FBXW7: variants seen among roughly 807,000 people sequenced by gnomAD.
FBXW7 encodes the protein F-box and WD repeat domain containing 7.
A neutral mutation model predicts 86.3 loss-of-function variants in FBXW7; 11 were observed. The ratio of observed to expected loss-of-function variants is 0.13; its 90% CI spans 0.08 to 0.21. The LOEUF (loss-of-function observed/expected upper bound fraction) is 0.21. Ranked by LOEUF, FBXW7 falls within the 10% of genes least tolerant of loss-of-function variation. The pLI, the probability that FBXW7 is intolerant of heterozygous loss-of-function variation, is 1.00. For missense variants in FBXW7, 488 were observed against 847.4 expected (o/e 0.58, Z 5.27); for synonymous variants, 313 against 297.9 (o/e 1.05, Z -0.52).
chr4:152,446,678 G>C (rs559458396), intron 2 of FBXW7, among the ~76,000 whole-genome samples: 1 of 152,240 alleles, frequency 6.6e-6, no homozygotes, highest in Non-Finnish European at 1.5e-5. Context: ...TCTAATCACA[G>C]ACCAATCATA....
intron 2 of FBXW7, among the ~76,000 whole-genome samples, chr4:152,523,109 C>T (rs76657622): frequency 0.014 from 2,087 of 152,324 alleles, 26 homozygotes; most frequent in Middle Eastern, 0.037. Flanking sequence ...ACAGCAGTTT[C>T]AGCAACTAGA....
intron 4 of FBXW7, among the ~76,000 whole-genome samples, chr4:152,364,332 A>G (rs1301218444): frequency 6.6e-6 from 1 of 152,156 alleles, no homozygotes; most frequent in African/African-American, 2.4e-5. Flanking sequence ...TAAAATATGA[A>G]ATAAAAGAGA....
intron 4 of FBXW7, among the ~76,000 whole-genome samples, chr4:152,398,111 T>C (rs926084098): frequency 3.9e-5 from 6 of 152,020 alleles, no homozygotes; most frequent in Non-Finnish European, 8.8e-5. Flanking sequence ...CCACATATTA[T>C]CTGACAGTGC....
chr4:152,392,795 C>T (rs912764939), intron 4 of FBXW7, among the ~76,000 whole-genome samples: 2 of 152,128 alleles, frequency 1.3e-5, no homozygotes, highest in Admixed American at 1.3e-4. Flanking sequence ...AAAATGAAAA[C>T]GTTAAGTGAT....
intron 4 of FBXW7, among the ~76,000 whole-genome samples, chr4:152,389,264 C>T (rs948789383): frequency 3.3e-5 from 5 of 151,986 alleles, no homozygotes; most frequent in Non-Finnish European, 5.9e-5. Flanking sequence ...ATCATTTGAT[C>T]CAGCAATCCC....
At chr4:152,404,438 T>C (rs1187209510) in intron 4 of FBXW7, among the ~76,000 whole-genome samples, 1 of 152,242 alleles carries the variant, frequency 6.6e-6, no homozygotes, top group Non-Finnish European at 1.5e-5. Flanking sequence ...CTTCTTCTGA[T>C]CTTTTTCTTT....
At chr4:152,380,442 T>G (rs1262591294) in intron 4 of FBXW7, among the ~76,000 whole-genome samples, 2 of 151,970 alleles carry the variant, frequency 1.3e-5, no homozygotes, top group Non-Finnish European at 2.9e-5. Flanking sequence ...ATTGAATGTG[T>G]TCATTTTGTT....
At chr4:152,448,892 C>T (rs544349310) in intron 2 of FBXW7, among the ~76,000 whole-genome samples, 1 of 152,266 alleles carries the variant, frequency 6.6e-6, no homozygotes, top group East Asian at 1.9e-4. Context: ...AAACTCAAGA[C>T]ACCCCAAAAT....
intron 6 of FBXW7, among the ~76,000 whole-genome samples, chr4:152,343,924 T>A (rs961878324): frequency 2.6e-5 from 4 of 152,114 alleles, no homozygotes; most frequent in Admixed American, 2.6e-4. Flanking sequence ...TTGTTCATAC[T>A]CAATTTATAA....
At chr4:152,439,405 T>C (rs1238377942) in intron 2 of FBXW7, among the ~76,000 whole-genome samples, 3 of 152,042 alleles carry the variant, frequency 2.0e-5, no homozygotes, top group South Asian at 2.1e-4. Flanking sequence ...TATTTAGCTA[T>C]ATAATATTTT....
intron 4 of FBXW7, among the ~76,000 whole-genome samples, chr4:152,378,000 C>A (rs78052874): frequency 0.026 from 3,985 of 152,092 alleles, 77 homozygotes; most frequent in South Asian, 0.052. Flanking sequence ...TTATAAATAA[C>A]ATTTTATTAA....
intron 4 of FBXW7, among the ~76,000 whole-genome samples, chr4:152,395,319 C>G (rs1195930499): frequency 6.6e-6 from 1 of 152,026 alleles, no homozygotes; most frequent in Non-Finnish European, 1.5e-5. Context: ...TTGAAAAATA[C>G]TGGTGCAGAC....
chr4:152,484,961 C>CA (rs369258930), intron 2 of FBXW7, among the ~76,000 whole-genome samples: 53,916 of 102,742 alleles, frequency 0.52, 13,655 homozygotes, highest in African/African-American at 0.76. Flanking sequence ...GACTCTGTCT[C>CA]AAAAAAAAAA....
At chr4:152,528,418 G>A (rs1476672335) in intron 2 of FBXW7, among the ~76,000 whole-genome samples, 1 of 152,112 alleles carries the variant, frequency 6.6e-6, no homozygotes, top group Non-Finnish European at 1.5e-5. Context: ...GTGCATGGCA[G>A]GATAATACAA....
chr4:152,339,238 T>A (rs1730467164), intron 6 of FBXW7, among the ~76,000 whole-genome samples: 1 of 152,210 alleles, frequency 6.6e-6, no homozygotes, highest in African/African-American at 2.4e-5. Flanking sequence ...AATACATGTA[T>A]CCAGAACATT....
At chr4:152,406,643 G>C (rs1278496175) in intron 4 of FBXW7, among the ~76,000 whole-genome samples, 2 of 152,128 alleles carry the variant, frequency 1.3e-5, no homozygotes, top group Non-Finnish European at 2.9e-5. Flanking sequence ...AAGATTAGAA[G>C]AAAGTCTAGA....
intron 4 of FBXW7, among the ~76,000 whole-genome samples, chr4:152,363,459 C>T (rs1733173586): frequency 6.6e-6 from 1 of 152,098 alleles, no homozygotes. Context: ...AGTGAAACTG[C>T]TTAATTTGTA....
chr4:152,514,831 C>T (rs1748318781), intron 2 of FBXW7, among the ~76,000 whole-genome samples: 1 of 152,158 alleles, frequency 6.6e-6, no homozygotes, highest in African/African-American at 2.4e-5. Context: ...AACCTCTTCT[C>T]TTCATAAATT....
At position 152,326,110 on chromosome 4, in the gene FBXW7, C is replaced by T. The variant is rs1728990846; in HGVS notation, c.1540G>A (p.Val514Ile). ...ATAAAATCATATGCTCCACTAACAA[C>T]CCTCCTGCCATCATATTGAACACAG... ...VRCVQYDGRR[V>I]VSGAYDFMVK... Residue 514 changes from valine to isoleucine, a missense_variant, in exon 12 of 14, where the codon GTT becomes ATT. Val to Ile is a conservative substitution (Grantham distance 29). Coordinates refer to ENST00000281708, the MANE Select transcript of FBXW7 (RefSeq NM_001349798.2). 2.5e-6 allele frequency: 4 copies of T among 1,613,318 alleles called. No homozygotes were observed. Among genetic ancestry groups the T allele is most frequent in the Non-Finnish European group, 3.4e-6 (4 of 1,179,588 alleles).
Sources: gnomAD v4.1 joint callset for allele counts (sites outside exome capture counted in the v4.1 genomes callset) on GRCh38, gnomAD v4.1.1 for gene constraint, MANE v1.5 for transcripts, NCBI Gene and HGNC (gene_info 2026-07-23, HGNC 2026-07-21) for gene names.